Variants in AGBL1 observed in about 807,000 individuals in gnomAD.
AGBL1 encodes the protein AGBL carboxypeptidase 1.
Under a neutral mutation model 118.9 loss-of-function variants are expected in AGBL1, and 130 were observed. The observed-to-expected ratio is 1.09, with a 90% CI of 0.95 to 1.26. The LOEUF (loss-of-function observed/expected upper bound fraction) is 1.26. Among genes scored for constraint, AGBL1 ranks in the 50% most tolerant of loss-of-function variants. The pLI, the probability that AGBL1 is intolerant of heterozygous loss-of-function variation, is 0.00. For missense variants in AGBL1, 1,584 were observed against 1,298.1 expected (o/e 1.22, Z -3.38); for synonymous variants, 555 against 478.9 (o/e 1.16, Z -2.08).
intron 22 of AGBL1, among the ~76,000 whole-genome samples, chr15:86,736,873 A>G (rs1226207941): frequency 2.0e-5 from 3 of 152,198 alleles, no homozygotes; most frequent in Non-Finnish European, 4.4e-5. Flanking sequence ...AGGTCAAGAA[A>G]GTATCATGCA....
At chr15:86,479,737 A>G (rs969089542) in intron 18 of AGBL1, among the ~76,000 whole-genome samples, 79 of 152,320 alleles carry the variant, frequency 5.2e-4, no homozygotes, top group African/African-American at 1.9e-3. Flanking sequence ...ATTACTGGGT[A>G]TATACCCAAA....
chr15:86,623,985 A>G (rs2084848552), intron 21 of AGBL1, among the ~76,000 whole-genome samples: 1 of 152,228 alleles, frequency 6.6e-6, no homozygotes, highest in Admixed American at 6.5e-5. Flanking sequence ...AAAGAATAAA[A>G]GCAAGCATAA....
chr15:86,883,208 A>G (rs182376845), intron 22 of AGBL1, among the ~76,000 whole-genome samples: 22 of 152,372 alleles, frequency 1.4e-4, no homozygotes, highest in Admixed American at 2.6e-4. Context: ...ATTACATCTA[A>G]TGCTAATAAA....
intron 22 of AGBL1, among the ~76,000 whole-genome samples, chr15:86,879,691 G>C (rs2079863965): frequency 6.6e-6 from 1 of 152,202 alleles, no homozygotes; most frequent in South Asian, 2.1e-4. Flanking sequence ...CCAGAAAACT[G>C]TTTTCTGAGG....
At chr15:86,388,158 A>C (rs1438501549) in intron 17 of AGBL1, among the ~76,000 whole-genome samples, 1 of 152,020 alleles carries the variant, frequency 6.6e-6, no homozygotes, top group Non-Finnish European at 1.5e-5. Flanking sequence ...TCTGGGAAGG[A>C]ATTGTGTCCC....
chr15:86,985,450 C>T lies in AGBL1; in HGVS notation c.3222-2537C>T, dbSNP rs1258570833. ...TTTAGTAATGTGTATGCAGTGACAT[C>T]GTATTATGGTTTTAATTTGCTTTCC... On this transcript the variant is annotated intron_variant, in intron 23 of 24. Transcript: ENST00000441037. Among the ~76,000 whole-genome samples the T allele has an allele frequency of 3.9e-5, 6 of 152,278 alleles. No individual in the cohort carries two copies. In the East Asian group the frequency reaches 5.8e-4, roughly 15 times the overall value.
At chr15:86,199,019 T>A (rs981828557) in intron 5 of AGBL1, among the ~76,000 whole-genome samples, 1 of 152,180 alleles carries the variant, frequency 6.6e-6, no homozygotes, top group African/African-American at 2.4e-5. Context: ...TGTGGTGTAG[T>A]TTTCTAGTCG....
intron 5 of AGBL1, among the ~76,000 whole-genome samples, chr15:86,201,262 G>A (rs1166805506): frequency 1.3e-5 from 2 of 152,078 alleles, no homozygotes; most frequent in Non-Finnish European, 2.9e-5. Context: ...TTCTATGTAG[G>A]ATATAATGAC....
At chr15:86,493,620 G>A (rs747941781) in intron 18 of AGBL1, among the ~76,000 whole-genome samples, 1 of 152,022 alleles carries the variant, frequency 6.6e-6, no homozygotes, top group Non-Finnish European at 1.5e-5. Context: ...ACATTTTCAA[G>A]ATTTCATGAA....
chr15:86,521,207 G>A (rs1301194423), intron 18 of AGBL1, among the ~76,000 whole-genome samples: 1 of 152,188 alleles, frequency 6.6e-6, no homozygotes, highest in Non-Finnish European at 1.5e-5. Context: ...CAGGAACATG[G>A]AAATGAATAA....
chr15:86,972,279 T>C (rs954428491), intron 23 of AGBL1, among the ~76,000 whole-genome samples: 17 of 151,904 alleles, frequency 1.1e-4, no homozygotes, highest in African/African-American at 3.6e-4. Flanking sequence ...AGAAAGAAGT[T>C]TCACAGATAC....
At chr15:86,688,833 C>T (rs1208515395) in intron 22 of AGBL1, among the ~76,000 whole-genome samples, 1 of 152,124 alleles carries the variant, frequency 6.6e-6, no homozygotes, top group African/African-American at 2.4e-5. Context: ...CCCATCATCA[C>T]ACCAAATATC....
chr15:86,651,477 A>T (rs1389337352), intron 21 of AGBL1, among the ~76,000 whole-genome samples: 1 of 152,140 alleles, frequency 6.6e-6, no homozygotes, highest in Non-Finnish European at 1.5e-5. Context: ...GTGAATTTGG[A>T]ATTGTATAGA....
At chr15:86,141,946 A>G in intron 1 of AGBL1, 58 bp from the exon 2 acceptor site, 1 of 1,499,332 alleles carries the variant, frequency 6.7e-7, no homozygotes, top group Non-Finnish European at 9.1e-7. Context: ...TACATCCCTG[A>G]TCATCCAACT....
chr15:86,572,024 C>T (rs543760457), intron 21 of AGBL1, among the ~76,000 whole-genome samples: 4 of 152,312 alleles, frequency 2.6e-5, no homozygotes, highest in South Asian at 2.1e-4. Flanking sequence ...GGGGCCAAGC[C>T]GGCAGGCGTC....
intron 5 of AGBL1, among the ~76,000 whole-genome samples, chr15:86,185,388 C>G (rs2077614562): frequency 1.3e-5 from 2 of 152,122 alleles, no homozygotes; most frequent in Admixed American, 1.3e-4. Context: ...CCATTTGACC[C>G]AGCCATCCCA....
rs1193585828 is a variant in AGBL1, at chr15:86,507,310, T to A, written c.2556-15500T>A. On this transcript the variant is annotated intron_variant, in intron 18 of 22. Coordinates refer to ENST00000614907, the MANE Select transcript of AGBL1 (RefSeq NM_001386094.1). ...ATTAATACCATATCTGTACTCAAACTGCAACTATTCTAAAAGGAAAATATA... is the reference window on the plus strand; with the variant it reads ...ATTAATACCATATCTGTACTCAAACAGCAACTATTCTAAAAGGAAAATATA... Among the ~76,000 whole-genome samples, 4 of 152,152 alleles carry A rather than the reference T, an allele frequency of 2.6e-5. No homozygotes were observed. The East Asian group carries it at 7.7e-4, about 29-fold the overall frequency.
intron 3 of AGBL1, among the ~76,000 whole-genome samples, chr15:86,146,058 A>C (rs1379608362): frequency 6.6e-6 from 1 of 152,162 alleles, no homozygotes; most frequent in Non-Finnish European, 1.5e-5. Flanking sequence ...GGAGAGTCAG[A>C]CATGGGTTTC....
chr15:86,290,729 G>A (rs986836338), intron 16 of AGBL1, among the ~76,000 whole-genome samples: 2 of 151,254 alleles, frequency 1.3e-5, no homozygotes, highest in East Asian at 1.9e-4. Context: ...TAGGGTACAC[G>A]TGCACAGTGT....
Sources: allele counts gnomAD v4.1 joint callset (sites outside exome capture counted in the v4.1 genomes callset), GRCh38; gene constraint gnomAD v4.1.1; transcripts MANE v1.5; gene names NCBI Gene and HGNC (gene_info 2026-07-23, HGNC 2026-07-21).